The following PLEK variants were observed in gnomAD, a reference collection of about 807,000 sequenced individuals.
The protein encoded by PLEK is platelet 47 kDa protein.
In PLEK, 25 loss-of-function variants were observed where a neutral mutation model predicts 43.9. The observed-to-expected ratio is 0.57, with a 90% CI of 0.41 to 0.79. PLEK has a LOEUF of 0.79. Ranked by LOEUF, PLEK falls within the 30% of genes least tolerant of loss-of-function variation. The probability of loss-of-function intolerance (pLI) is 0.00; values close to 1 mark genes in which losing one functional copy is unlikely to be tolerated. For missense variants in PLEK, 396 were observed against 413.3 expected (o/e 0.96, Z 0.36); for synonymous variants, 152 against 144.4 (o/e 1.05, Z -0.38).
intron 3 of PLEK, among the ~76,000 whole-genome samples, chr2:68,381,363 C>G (rs1673610976): frequency 6.6e-6 from 1 of 152,122 alleles, no homozygotes; most frequent in Non-Finnish European, 1.5e-5. Flanking sequence ...ATGTCCTGAC[C>G]CAGTTTAATG....
At chr2:68,391,403 T>C (rs1397213758) in intron 6 of PLEK, among the ~76,000 whole-genome samples, 1 of 152,220 alleles carries the variant, frequency 6.6e-6, no homozygotes, top group Non-Finnish European at 1.5e-5. Flanking sequence ...AACTTTAGTG[T>C]CGTTATTCTG....
At chr2:68,366,266 A>G (rs375925678) in intron 1 of PLEK, among the ~76,000 whole-genome samples, 5 of 152,370 alleles carry the variant, frequency 3.3e-5, no homozygotes, top group African/African-American at 1.2e-4. Flanking sequence ...TTGAATGAAC[A>G]GTGAATGTGA....
At chr2:68,380,233 C>T in intron 1 of PLEK, 95 bp from the exon 2 acceptor site, 1 of 1,034,482 alleles carries the variant, frequency 9.7e-7, no homozygotes, top group Admixed American at 2.6e-5. Flanking sequence ...ATTTTAAAAA[C>T]CAACTGTAAG....
Position 68,388,456 on chromosome 2 carries a change from G to A in PLEK, c.727G>A (p.Gly243Arg). The A allele has an allele frequency of 6.2e-7, 1 of 1,607,600 alleles. No individual in the cohort carries two copies. Among genetic ancestry groups the A allele is most frequent in the Non-Finnish European group, 8.5e-7 (1 of 1,174,080 alleles). ...TGTGATTCTGAAAGAAGAATTCAGA[G>A]GGGTCATTATCAAGCAGGGATGTTT... The part of the protein sequence containing the change: ...DDVILKEEFR[G>R]VIIKQGCLLK... Residue 243 changes from glycine to arginine, a missense_variant, in exon 6 of 9, where the codon GGG (glycine) becomes AGG (arginine). Gly to Arg is a moderately radical substitution (Grantham distance 125, BLOSUM62 -2). Coordinates refer to ENST00000234313, the MANE Select transcript of PLEK (RefSeq NM_002664.3).
chr2:68,379,445 A>G (rs1299594130), intron 1 of PLEK, among the ~76,000 whole-genome samples: 1 of 152,112 alleles, frequency 6.6e-6, no homozygotes. Flanking sequence ...AACACCAATA[A>G]TTATCATTTT....
intron 4 of PLEK, among the ~76,000 whole-genome samples, chr2:68,385,046 G>A (rs17035396): frequency 0.023 from 3,544 of 152,280 alleles, 67 homozygotes; most frequent in Admixed American, 0.069. Context: ...GCTTTTGCCC[G>A]GATGACAGGA....
At chr2:68,379,661 G>C (rs544358133) in intron 1 of PLEK, among the ~76,000 whole-genome samples, 2 of 152,140 alleles carry the variant, frequency 1.3e-5, no homozygotes, top group Non-Finnish European at 2.9e-5. Flanking sequence ...GACATGAAAA[G>C]GGAGGTGCAG....
chr2:68,388,535 A>G, intron 6 of PLEK, 44 bp downstream of exon 6: 1 of 1,033,878 alleles, frequency 9.7e-7, no homozygotes, highest in Non-Finnish European at 1.5e-6. Flanking sequence ...TCCCTTTACA[A>G]GGTCCTTTTT....
At chr2:68,390,935 C>T (rs1290270568) in intron 6 of PLEK, among the ~76,000 whole-genome samples, 1 of 152,194 alleles carries the variant, frequency 6.6e-6, no homozygotes, top group Non-Finnish European at 1.5e-5. Context: ...AAAGCATCTG[C>T]TTGTTTAATT....
chr2:68,396,757 T>C lies in PLEK; in HGVS notation c.*941T>C, dbSNP rs1362296488. ...GTGTTCCCCCCATGGGTGAGAGGCC[T>C]GGGCAACTGCCTGGTGAATGTGTCT... On this transcript the variant is annotated 3_prime_UTR_variant, in exon 9 of 9. Transcript: ENST00000234313. 1 of 152,178 alleles carries C rather than the reference T, an allele frequency of 6.6e-6. No homozygotes were observed. The highest frequency in any genetic ancestry group is 1.9e-4 in the East Asian group (1 of 5,194). 9.4% of individuals were successfully genotyped at this position (152,178 alleles called of 1,614,324 possible).
intron 1 of PLEK, among the ~76,000 whole-genome samples, chr2:68,375,847 T>G (rs982966627): frequency 6.6e-5 from 10 of 152,124 alleles, no homozygotes; most frequent in Admixed American, 5.2e-4. Flanking sequence ...AATAGAGACT[T>G]CCCTGTTTTA....
intron 4 of PLEK, among the ~76,000 whole-genome samples, chr2:68,384,133 TG>T: frequency 6.6e-6 from 1 of 152,060 alleles, no homozygotes; most frequent in East Asian, 1.9e-4. Flanking sequence ...CCCAGACTAT[TG>T]GGCTGGTTTT....
chr2:68,386,606 G>C lies in PLEK; in HGVS notation c.577G>C (p.Ala193Pro). Reference protein sequence around the residue: ...SLLNEGYLQPAGDMSKSAVDG... With the variant: ...SLLNEGYLQPPGDMSKSAVDG... Reference sequence around the variant, plus strand: ...GCTCAATGAGGGGTATCTGCAGCCTGCTGGAGACATGTCCAAGAGTGCAGT... The same window carrying C: ...GCTCAATGAGGGGTATCTGCAGCCTCCTGGAGACATGTCCAAGAGTGCAGT... Residue 193 changes from alanine (A) to proline (P), a missense_variant, in exon 5 of 9, where the codon GCT (alanine) becomes CCT (proline). Ala to Pro is a conservative substitution (Grantham distance 27, BLOSUM62 -1). Coordinates refer to ENST00000234313, the MANE Select transcript of PLEK (RefSeq NM_002664.3). 1.2e-6 allele frequency: 2 copies of C among 1,613,914 alleles called. No homozygotes were observed. Among genetic ancestry groups the C allele is most frequent in the Non-Finnish European group, 1.7e-6 (2 of 1,179,782 alleles).
intron 1 of PLEK, among the ~76,000 whole-genome samples, chr2:68,371,561 TC>T (rs1264147732): frequency 1.3e-5 from 2 of 152,152 alleles, no homozygotes; most frequent in African/African-American, 4.8e-5. Context: ...TGTTTTCATC[TC>T]CCAACAAAGC....
Position 68,382,580 on chromosome 2 carries a change from T to C in PLEK, c.419T>C (p.Ile140Thr), listed in dbSNP as rs1382150773. The C allele has an allele frequency of 6.2e-7, 1 of 1,603,696 alleles. No individual in the cohort carries two copies. The highest frequency in any genetic ancestry group is 8.5e-7 in the Non-Finnish European group (1 of 1,170,680). The change falls in exon 4 of 9, where the codon ATA (isoleucine) becomes ACA (threonine). Residue 140 changes from isoleucine to threonine, a missense_variant. Ile to Thr is a moderately conservative substitution (Grantham distance 89). Coordinates refer to ENST00000234313, the MANE Select transcript of PLEK (RefSeq NM_002664.3). The part of the protein sequence containing the change: ...YLSMKDTEKG[I>T]KELNLEKDKK... ...TCCATGAAAGACACTGAAAAAGGAA[T>C]AAAAGAACTGAATCTAGAGAAGGAC...
chr2:68,372,600 C>T (rs566192845), intron 1 of PLEK, among the ~76,000 whole-genome samples: 9 of 152,172 alleles, frequency 5.9e-5, no homozygotes, highest in Admixed American at 5.2e-4. Context: ...AGGTATTTAC[C>T]AGAAAACTTC....
chr2:68,368,145 C>T (rs1673319168), intron 1 of PLEK, among the ~76,000 whole-genome samples: 3 of 152,146 alleles, frequency 2.0e-5, no homozygotes, highest in Non-Finnish European at 4.4e-5. Flanking sequence ...ATAAGATCTC[C>T]AAATGAAGAC....
chr2:68,369,301 G>A (rs1673344857), intron 1 of PLEK, among the ~76,000 whole-genome samples: 1 of 152,178 alleles, frequency 6.6e-6, no homozygotes, highest in Admixed American at 6.5e-5. Context: ...AAGTGGCAGA[G>A]CTGGTTTGCA....
chr2:68,387,450 T>A (rs1011523920), intron 5 of PLEK, among the ~76,000 whole-genome samples: 3 of 152,240 alleles, frequency 2.0e-5, no homozygotes, highest in African/African-American at 7.2e-5. Context: ...ACAGGTTTGA[T>A]GTATTAAGTG....
Sources: allele counts gnomAD v4.1 joint callset (sites outside exome capture counted in the v4.1 genomes callset), GRCh38; gene constraint gnomAD v4.1.1; transcripts MANE v1.5; gene names NCBI Gene and HGNC (gene_info 2026-07-23, HGNC 2026-07-21).